Variants in SASH1 observed in about 807,000 individuals in gnomAD.
SASH1 encodes SAM and SH3 domain-containing protein 1.
SASH1 carries 44 observed loss-of-function variants against 125.2 expected under a neutral mutation model. That is an observed-to-expected ratio of 0.35 (90% CI 0.28 to 0.45). The LOEUF is 0.45. Among genes scored for constraint, SASH1 ranks in the 20% least tolerant of loss-of-function variants. SASH1 has a pLI of 1.00. For missense variants in SASH1, 1,426 were observed against 1,614.5 expected, an observed-to-expected ratio of 0.88 and a Z score of 2.00; for synonymous variants, 639 against 649.1, an observed-to-expected ratio of 0.98 and a Z score of 0.24.
intron 2 of SASH1, among the ~76,000 whole-genome samples, chr6:148,411,733 G>A (rs928066354): frequency 6.6e-6 from 1 of 152,080 alleles, no homozygotes; most frequent in Non-Finnish European, 1.5e-5. Context: ...TAGTAGAGAC[G>A]CAGTTTCACC....
chr6:148,355,568 A>G (rs1238619533), intron 1 of SASH1, among the ~76,000 whole-genome samples: 1 of 152,184 alleles, frequency 6.6e-6, no homozygotes, highest in Non-Finnish European at 1.5e-5. Flanking sequence ...CCACGTTAAT[A>G]TTTTGTATCA....
At chr6:148,248,109 G>A in the SASH1 span, among the ~76,000 whole-genome samples, 16 of 152,166 alleles carry the variant, frequency 1.1e-4, no homozygotes, top group East Asian at 5.8e-4. Flanking sequence ...ATACAAGTCC[G>A]AAATATTTAA....
chr6:148,525,454 C>A, intron 11 of SASH1, 89 bp downstream of exon 11: 1 of 1,066,730 alleles, frequency 9.4e-7, no homozygotes, highest in Non-Finnish European at 1.4e-6. Context: ...AGAATTGATA[C>A]TGGGTACCGT....
chr6:148,430,760 A>T (rs963001817), intron 2 of SASH1, among the ~76,000 whole-genome samples: 1 of 152,210 alleles, frequency 6.6e-6, no homozygotes, highest in Non-Finnish European at 1.5e-5. Flanking sequence ...CCATGACTGG[A>T]TGTATAGCAG....
intron 1 of SASH1, among the ~76,000 whole-genome samples, chr6:148,329,681 A>G (rs902845084): frequency 6.6e-6 from 1 of 152,220 alleles, no homozygotes; most frequent in African/African-American, 2.4e-5. Context: ...AAAAAATGCA[A>G]TTAGAAGGAA....
At chr6:148,545,728 T>C (rs1006256032) in intron 18 of SASH1, among the ~76,000 whole-genome samples, 18 of 152,102 alleles carry the variant, frequency 1.2e-4, no homozygotes, top group African/African-American at 3.9e-4. Context: ...GATGTAAAAG[T>C]ATTCCCTCTA....
chr6:148,440,513 T>A, intron 4 of SASH1, 106 bp downstream of exon 4: 1 of 934,058 alleles, frequency 1.1e-6, no homozygotes, highest in Admixed American at 2.0e-5. Flanking sequence ...ACTATGGAGT[T>A]ATGCGATGTC....
intron 1 of SASH1, among the ~76,000 whole-genome samples, chr6:148,362,805 G>T (rs1291959536): frequency 6.6e-6 from 1 of 152,044 alleles, no homozygotes; most frequent in African/African-American, 2.4e-5. Context: ...CCATGATTGT[G>T]CCACTGCACT....
intron 4 of SASH1, among the ~76,000 whole-genome samples, chr6:148,448,037 CCA>C (rs1401197048): frequency 1.3e-5 from 2 of 152,010 alleles, no homozygotes; most frequent in East Asian, 1.9e-4. Context: ...CTCCCGTAAT[CCA>C]CAGACTTGAG....
At chr6:148,301,426 C>A (rs1225024734) in intron 1 of SASH1, among the ~76,000 whole-genome samples, 2 of 151,778 alleles carry the variant, frequency 1.3e-5, no homozygotes, top group African/African-American at 2.4e-5. Context: ...CCACCATGCC[C>A]GGCTAATTTT....
chr6:148,204,142 G>A, the SASH1 span, among the ~76,000 whole-genome samples: 10 of 152,258 alleles, frequency 6.6e-5, no homozygotes, highest in Middle Eastern at 3.4e-3. Flanking sequence ...AATCCCTCTC[G>A]GGCCGCTCGG....
intron 1 of SASH1, among the ~76,000 whole-genome samples, chr6:148,293,801 A>G (rs952606097): frequency 2.0e-4 from 31 of 152,236 alleles, no homozygotes; most frequent in African/African-American, 7.5e-4. Context: ...GGATGCTGTT[A>G]TAGTCCTTAC....
At chr6:148,313,487 C>T (rs1243407621) in intron 1 of SASH1, among the ~76,000 whole-genome samples, 1 of 152,144 alleles carries the variant, frequency 6.6e-6, no homozygotes, top group Admixed American at 6.5e-5. Flanking sequence ...TGCTGCAAAA[C>T]TATTCAAAAA....
intron 2 of SASH1, among the ~76,000 whole-genome samples, chr6:148,436,115 G>A (rs1016884981): frequency 6.6e-6 from 1 of 152,168 alleles, no homozygotes; most frequent in Non-Finnish European, 1.5e-5. Flanking sequence ...GCCATCCAGT[G>A]TTGCTCTCAC....
chr6:148,427,049 G>A (rs1358162416), intron 2 of SASH1, among the ~76,000 whole-genome samples: 1 of 152,160 alleles, frequency 6.6e-6, no homozygotes, highest in Admixed American at 6.6e-5. Flanking sequence ...GGCTGAGGCA[G>A]GGGAATCACT....
At chr6:148,270,038 C>A (rs1779025623), upstream of SASH1, among the ~76,000 whole-genome samples, 1 of 152,222 alleles carries the variant, frequency 6.6e-6, no homozygotes, top group South Asian at 2.1e-4. Flanking sequence ...ATAGATTTGG[C>A]TTCTGTGCTC....
chr6:148,360,646 C>CCG (rs1324369958), intron 1 of SASH1, among the ~76,000 whole-genome samples: 2 of 148,902 alleles, frequency 1.3e-5, no homozygotes, highest in Admixed American at 1.3e-4. Context: ...ACCCCCCCGC[C>CCG]AGGCTTTAAA....
the SASH1 span, among the ~76,000 whole-genome samples, chr6:148,231,406 G>A: frequency 6.6e-6 from 1 of 152,208 alleles, no homozygotes; most frequent in African/African-American, 2.4e-5. Context: ...GAATTGGGAA[G>A]TGTGACTCCT....
At chr6:148,427,712 C>T (rs1430055213) in intron 2 of SASH1, among the ~76,000 whole-genome samples, 1 of 152,184 alleles carries the variant, frequency 6.6e-6, no homozygotes, top group East Asian at 1.9e-4. Flanking sequence ...TGAATTTAAC[C>T]AATTCAACTC....
Sources: allele counts gnomAD v4.1 joint callset (sites outside exome capture counted in the v4.1 genomes callset), GRCh38; gene constraint gnomAD v4.1.1; transcripts MANE v1.5; gene names NCBI Gene and HGNC (gene_info 2026-07-23, HGNC 2026-07-21).